CC2D1B: variants seen among roughly 807,000 people sequenced by gnomAD.
CC2D1B encodes the protein coiled-coil and C2 domain-containing protein 1B.
Under a neutral mutation model 110.8 loss-of-function variants are expected in CC2D1B, and 92 were observed. The ratio of observed to expected loss-of-function variants is 0.83; its 90% confidence interval spans 0.70 to 0.99. The LOEUF (loss-of-function observed/expected upper bound fraction) is 0.99. CC2D1B is among the 50% of genes least tolerant of loss of function. CC2D1B has a pLI of 0.00. For missense variants in CC2D1B, 1,136 were observed against 1,089.0 expected, an observed-to-expected ratio of 1.04 and a Z score of -0.61; for synonymous variants, 406 against 429.2, an observed-to-expected ratio of 0.95 and a Z score of 0.67.
chr1:52,362,876 G>A, intron 2 of CC2D1B, 130 bp from the exon 3 acceptor site: 1 of 877,482 alleles, frequency 1.1e-6, no homozygotes. Flanking sequence ...TGTGCAGAAA[G>A]AAACTGAGGC....
intron 18 of CC2D1B, 90 bp downstream of exon 18, chr1:52,356,096 G>T: frequency 8.4e-7 from 1 of 1,187,952 alleles, no homozygotes; most frequent in Non-Finnish European, 1.2e-6. Context: ...GGCTTGGGAA[G>T]CCTCACTAAA....
chr1:52,352,092 A>G lies in CC2D1B; in HGVS notation c.*1133T>C, dbSNP rs926927428. On this transcript the variant is annotated 3_prime_UTR_variant, in exon 25 of 25. Coordinates refer to ENST00000284376, the MANE Select transcript of CC2D1B (RefSeq NM_001330585.2). ...CTATAGTGATCAGTAAGCTGAATGTATTTGCTTCACTTCTAACCTTTTTTA... is the reference window on the plus strand; with the variant it reads ...CTATAGTGATCAGTAAGCTGAATGTGTTTGCTTCACTTCTAACCTTTTTTA... The G allele has an allele frequency of 6.6e-6, 1 of 151,986 alleles. No individual in the cohort carries two copies. The highest frequency in any genetic ancestry group is 2.4e-5 in the African/African-American group (1 of 41,382). The allele number at this position is 151,986 out of a possible 1,614,324, so 9.4% of individuals were successfully genotyped here.
At chr1:52,363,961 G>A (rs754226788) in intron 2 of CC2D1B, among the ~76,000 whole-genome samples, 4 of 152,164 alleles carry the variant, frequency 2.6e-5, no homozygotes, top group Admixed American at 1.3e-4. Context: ...GATTACAGGC[G>A]TGATCCACGG....
intron 4 of CC2D1B, 78 bp from the exon 5 acceptor site, chr1:52,361,210 C>G: frequency 5.2e-6 from 8 of 1,527,478 alleles, no homozygotes; most frequent in Non-Finnish European, 6.3e-6. Flanking sequence ...GTAAAGGACC[C>G]TCTCTCTCAG....
chr1:52,359,111 C>T lies in CC2D1B; in HGVS notation c.1173G>A (p.Arg391=). ...SQTVLDALQQ[R]LNKYREAGIQ... ...TGCCCGCCTCGCGGTACTTGTTCAG[C>T]CTCTGCTGCAGGGCATCCAGCACTG... The change falls in exon 11 of 25, where the codon AGG becomes AGA. Residue 391 remains arginine (R), a synonymous_variant. Coordinates refer to ENST00000284376, the MANE Select transcript of CC2D1B (RefSeq NM_001330585.2). The T allele has an allele frequency of 6.2e-7, 1 of 1,610,718 alleles. No individual in the cohort carries two copies.
In CC2D1B at chr1:52,353,078, G is replaced by C. The variant is rs545212678; in HGVS notation, c.*147C>G. The C allele has an allele frequency of 2.1e-4, 162 of 764,116 alleles. No homozygotes were observed. In the South Asian group the frequency reaches 2.3e-3, roughly 11 times the overall value. The allele number at this position is 764,116 out of a possible 1,614,324, so 47.3% of individuals were successfully genotyped here. A position where few individuals can be genotyped will look rare whatever the true frequency, so the allele number is the denominator to read the frequency against. On this transcript the variant is annotated 3_prime_UTR_variant, in exon 25 of 25. Coordinates refer to ENST00000284376, the MANE Select transcript of CC2D1B (RefSeq NM_001330585.2). ...GCCAACAACAGGAAAGACCAGAGTC[G>C]TGGTCAGTAGTGCACATGCTTAACA...
At chr1:52,356,880 C>G in intron 16 of CC2D1B, 121 bp downstream of exon 16, 1 of 1,201,904 alleles carries the variant, frequency 8.3e-7, no homozygotes, top group Non-Finnish European at 1.1e-6. Flanking sequence ...CCAAGTCACA[C>G]AGTGAGTAAG....
At chr1:52,358,003 T>G (rs1483993679) in intron 13 of CC2D1B, 105 bp from the exon 14 acceptor site, 1 of 1,457,026 alleles carries the variant, frequency 6.9e-7, no homozygotes, top group Non-Finnish European at 9.2e-7. Context: ...CATCGCTGTG[T>G]GACCTGAGAT....
At chr1:52,360,609 C>T (rs936863485) in intron 5 of CC2D1B, 60 bp from the exon 6 acceptor site, 45 of 1,574,766 alleles carry the variant, frequency 2.9e-5, no homozygotes, top group Non-Finnish European at 3.8e-5. Flanking sequence ...TACCATTCTC[C>T]CTCTGCGGAA....
intron 4 of CC2D1B, 122 bp downstream of exon 4, chr1:52,361,391 G>A: frequency 1.3e-6 from 2 of 1,517,854 alleles, no homozygotes; most frequent in Non-Finnish European, 1.8e-6. Flanking sequence ...CAGCCAGGAG[G>A]GGCAAGCACT....
Position 52,353,214 on chromosome 1 carries a change from T to C in CC2D1B, c.*11A>G. The C allele has an allele frequency of 3.0e-6, 4 of 1,352,738 alleles. No homozygotes were observed. Among genetic ancestry groups the C allele is most frequent in the Non-Finnish European group, 3.9e-6 (4 of 1,021,168 alleles). 83.8% of individuals were successfully genotyped at this position (1,352,738 alleles called of 1,614,324 possible). On this transcript the variant is annotated 3_prime_UTR_variant, in exon 25 of 25. Coordinates refer to ENST00000284376, the MANE Select transcript of CC2D1B (RefSeq NM_001330585.2). ...CGCGGCCTGACTCCTCTCCTGGTGC[T>C]GGCCATCGGCTACACAGGGGTGCAA...
At chr1:52,359,580 C>T (rs751494839) in intron 8 of CC2D1B, 46 bp from the exon 9 acceptor site, 1 of 1,600,966 alleles carries the variant, frequency 6.2e-7, no homozygotes, top group Admixed American at 1.7e-5. Flanking sequence ...CAGGGGACCC[C>T]AAGAGCCTGG....
In CC2D1B at chr1:52,353,125, A is replaced by T; in HGVS notation, c.*100T>A. Reference sequence around the variant, plus strand: ...AACAGGTCTTTGGTGCTTGGGTAGCAGCATCTCTTATGTACAAAGGCTTCT... The same window carrying T: ...AACAGGTCTTTGGTGCTTGGGTAGCTGCATCTCTTATGTACAAAGGCTTCT... On this transcript the variant is annotated 3_prime_UTR_variant, in exon 25 of 25. Transcript: ENST00000284376. 1 of 1,191,840 alleles carries T rather than the reference A, an allele frequency of 8.4e-7. No individual in the cohort carries two copies. Among genetic ancestry groups the T allele is most frequent in the Non-Finnish European group, 1.1e-6 (1 of 886,180 alleles). The allele number at this position is 1,191,840 out of a possible 1,614,324, so 73.8% of individuals were successfully genotyped here. A position where few individuals can be genotyped will look rare whatever the true frequency, so the allele number is the denominator to read the frequency against.
rs1165058024 is a variant in CC2D1B, at chr1:52,356,315, G to A, written c.1938-13C>T. On this transcript the variant is annotated splice_polypyrimidine_tract_variant and intron_variant, in intron 17 of 24. Transcript: ENST00000284376. Reference sequence around the variant, plus strand: ...AAGCTTCTCAAATCTGACAGGGATGGGTATGTCAGCATGATGGTGGATTTT... The same window carrying A: ...AAGCTTCTCAAATCTGACAGGGATGAGTATGTCAGCATGATGGTGGATTTT... 6 of 1,613,282 alleles carry A rather than the reference G, an allele frequency of 3.7e-6. No homozygotes were observed. The Admixed American group carries it at 5.0e-5, about 13-fold the overall frequency.
At chr1:52,353,308 T>C (rs1226874188) in intron 24 of CC2D1B, 85 bp from the exon 25 acceptor site, 5 of 1,466,710 alleles carry the variant, frequency 3.4e-6, no homozygotes, top group East Asian at 5.3e-5. Flanking sequence ...TGAAGATAGA[T>C]AGATAGATAG....
intron 9 of CC2D1B, 37 bp downstream of exon 9, chr1:52,359,422 C>T (rs1646729507): frequency 1.4e-5 from 23 of 1,613,292 alleles, no homozygotes; most frequent in Non-Finnish European, 1.9e-5. Flanking sequence ...GCTACTCCTC[C>T]CCAACCCCAC....
At chr1:52,358,168 TCTG>T in intron 13 of CC2D1B, 160 bp downstream of exon 13, 2 of 1,034,884 alleles carry the variant, frequency 1.9e-6, no homozygotes, top group Middle Eastern at 3.0e-4. Context: ...GAATCCTAGT[TCTG>T]CTATTTCCTA....
intron 16 of CC2D1B, 52 bp from the exon 17 acceptor site, chr1:52,356,494 G>C (rs1646655857): frequency 6.2e-7 from 1 of 1,600,852 alleles, no homozygotes; most frequent in Admixed American, 1.7e-5. Context: ...GACCTGCCTT[G>C]GTTGGCATTC....
Position 52,361,090 on chromosome 1 carries a change from G to C in CC2D1B, c.361C>G (p.Pro121Ala). The change falls in exon 5 of 25, where the codon CCC becomes GCC. Residue 121 changes from proline (P) to alanine (A), a missense_variant. Transcript: ENST00000284376. ...TCAGCTACCTCATCACCATCCAGGG[G>C]CTCAGTCTCCTCGTCCACACCTAAG... Reference protein sequence around the residue: ...EVLGVDEETEPLDGDEVADPG... With the variant: ...EVLGVDEETEALDGDEVADPG... 1 of 1,614,012 alleles carries C rather than the reference G, an allele frequency of 6.2e-7. No homozygotes were observed. The highest frequency in any genetic ancestry group is 8.5e-7 in the Non-Finnish European group (1 of 1,179,980).
Sources: gnomAD v4.1 joint callset for allele counts (sites outside exome capture counted in the v4.1 genomes callset) on GRCh38, gnomAD v4.1.1 for gene constraint, MANE v1.5 for transcripts, NCBI Gene and HGNC (gene_info 2026-07-23, HGNC 2026-07-21) for gene names.